Variants in STX5 observed in about 807,000 individuals in gnomAD.
The protein encoded by STX5 is syntaxin 5.
A neutral mutation model predicts 42.9 loss-of-function variants in STX5; 15 were observed. The ratio of observed to expected loss-of-function variants is 0.35; its 90% CI spans 0.23 to 0.54. The LOEUF is 0.54. STX5 is among the 20% of genes least tolerant of loss of function. The pLI is 0.91. For missense variants in STX5, 430 were observed against 455.0 expected (o/e 0.95, Z 0.50); for synonymous variants, 184 against 173.2 (o/e 1.06, Z -0.49).
In STX5 at chr11:62,831,199, A is replaced by C; in HGVS notation, c.45T>G (p.Gly15=). The C allele has an allele frequency of 6.4e-7, 1 of 1,566,240 alleles. No homozygotes were observed. Among genetic ancestry groups the C allele is most frequent in the Non-Finnish European group, 8.7e-7 (1 of 1,154,458 alleles). The part of the protein sequence containing the change: ...KRYGSKNTDQ[G]VYLGLSKTQV... ...GTGTCTTTGAGAGACCCAGGTAGAC[A>C]CCCTGATCCGTGTTCTTAGACCCGT... Residue 15 remains glycine (G), a synonymous_variant, in exon 2 of 11, where the codon GGT becomes GGG. Coordinates refer to ENST00000294179, the MANE Select transcript of STX5 (RefSeq NM_003164.5).
At chr11:62,808,433 G>GA (rs57347651) in intron 10 of STX5, among the ~76,000 whole-genome samples, 1,541 of 121,324 alleles carry the variant, frequency 0.013, 4 homozygotes, top group African/African-American at 0.015. Context: ...GCCTCAGGGG[G>GA]AAAAAAAAAA....
Position 62,825,572 on chromosome 11 carries a change from T to C in STX5, c.424-33A>G, listed in dbSNP as rs752158872. On this transcript the variant is annotated intron_variant, in intron 5 of 10. Transcript: ENST00000294179. ...AAGAGTCCAAGGAAAAACAAAGTAT[T>C]AGCCAAGGAGTCCTTAGTCAGCATC... The C allele has an allele frequency of 5.6e-6, 9 of 1,593,098 alleles. No individual in the cohort carries two copies. In the East Asian group the frequency reaches 1.1e-4, roughly 20 times the overall value.
Position 62,825,410 on chromosome 11 carries a change from C to G in STX5, c.540+13G>C. The G allele has an allele frequency of 6.2e-7, 1 of 1,614,162 alleles. No individual in the cohort carries two copies. Among genetic ancestry groups the G allele is most frequent in the Non-Finnish European group, 8.5e-7 (1 of 1,180,004 alleles). On this transcript the variant is annotated intron_variant, in intron 6 of 10. Coordinates refer to ENST00000294179, the MANE Select transcript of STX5 (RefSeq NM_003164.5). ...TTCCTCTTTGCCTCCCTCCCTTCCTCCCCAGGTCCCACCTGCAAGGAGACC... is the reference window on the plus strand; with the variant it reads ...TTCCTCTTTGCCTCCCTCCCTTCCTGCCCAGGTCCCACCTGCAAGGAGACC...
At chr11:62,823,267 C>T (rs957968358) in intron 10 of STX5, among the ~76,000 whole-genome samples, 2 of 152,000 alleles carry the variant, frequency 1.3e-5, no homozygotes, top group African/African-American at 4.8e-5. Flanking sequence ...CTCAACCTCC[C>T]ATGCTTAAGT....
chr11:62,818,812 C>T (rs1406553689), intron 10 of STX5, among the ~76,000 whole-genome samples: 1 of 151,254 alleles, frequency 6.6e-6, no homozygotes, highest in African/African-American at 2.4e-5. Context: ...CCACTGCACT[C>T]CAGCATGGGC....
Position 62,807,388 on chromosome 11 carries a change from A to G in STX5, c.*81T>C. On this transcript the variant is annotated 3_prime_UTR_variant, in exon 11 of 11. Transcript: ENST00000294179. Reference sequence around the variant, plus strand: ...AGGGCCTTTCTCCCAAGTACCCTGCACAGGCTCAGTGGCAGCACTGGCCAC... The same window carrying G: ...AGGGCCTTTCTCCCAAGTACCCTGCGCAGGCTCAGTGGCAGCACTGGCCAC... The G allele has an allele frequency of 1.3e-6, 2 of 1,552,372 alleles. No individual in the cohort carries two copies. Among genetic ancestry groups the G allele is most frequent in the Non-Finnish European group, 1.7e-6 (2 of 1,147,548 alleles).
chr11:62,824,291 C>G lies in STX5; in HGVS notation c.787-4G>C. On this transcript the variant is annotated splice_region_variant and splice_polypyrimidine_tract_variant and intron_variant, in intron 9 of 10. Coordinates refer to ENST00000294179, the MANE Select transcript of STX5 (RefSeq NM_003164.5). ...CCCGACTCTGGATGTAGGAATCCTTCAGGAGAGGGAGAGAGCACATGAGCA... is the reference window on the plus strand; with the variant it reads ...CCCGACTCTGGATGTAGGAATCCTTGAGGAGAGGGAGAGAGCACATGAGCA... 6.2e-7 allele frequency: 1 copy of G among 1,614,200 alleles called. No individual in the cohort carries two copies. The highest frequency in any genetic ancestry group is 1.1e-5 in the South Asian group (1 of 91,086).
chr11:62,830,408 T>C (rs1217350996), intron 2 of STX5: 1 of 388,042 alleles, frequency 2.6e-6, no homozygotes, highest in Non-Finnish European at 5.1e-6. Context: ...TAAAATTAGC[T>C]GAGTGGTGCA....
rs140710642 is a variant in STX5, at chr11:62,820,318, G to A, written c.908+3848C>T. 2.3e-3 allele frequency among the ~76,000 whole-genome samples: 348 copies of A among 149,740 alleles called. 1 individual carries two copies. Among genetic ancestry groups the A allele is most frequent in the African/African-American group, 8.3e-3 (339 of 40,830 alleles). ...TGTGAGGTGGAGCTTGCAGTGAGCC[G>A]AGATCACGCGACTGCACTCCAGCCT... On this transcript the variant is annotated intron_variant, in intron 10 of 10. Coordinates refer to ENST00000294179, the MANE Select transcript of STX5 (RefSeq NM_003164.5).
At chr11:62,821,708 C>T (rs2084742314) in intron 10 of STX5, among the ~76,000 whole-genome samples, 2 of 151,116 alleles carry the variant, frequency 1.3e-5, no homozygotes, top group Admixed American at 1.3e-4. Flanking sequence ...AGTGAAACTC[C>T]ACCTCAAAAG....
At position 62,827,570 on chromosome 11, in the gene STX5, A is replaced by G. The variant is rs1426663307; in HGVS notation, c.287T>C (p.Leu96Pro). Reference sequence around the variant, plus strand: ...GCTTCTCTCAACTCACTTGGCCATGAGGGTGAATTCACTGCGTTGTCGGAC... The same window carrying G: ...GCTTCTCTCAACTCACTTGGCCATGGGGGTGAATTCACTGCGTTGTCGGAC... ...RAVRQRSEFT[L>P]MAKRIGKDLS... Residue 96 changes from leucine (L) to proline (P), a missense_variant, in exon 3 of 11, where the codon CTC (leucine) becomes CCC (proline). Physicochemically the swap from Leu to Pro is moderately conservative, Grantham distance 98. Transcript: ENST00000294179. 6.2e-6 allele frequency: 10 copies of G among 1,614,226 alleles called. No individual in the cohort carries two copies. The highest frequency in any genetic ancestry group is 1.3e-5 in the African/African-American group (1 of 75,046).
At chr11:62,812,381 A>C (rs552068944) in intron 10 of STX5, among the ~76,000 whole-genome samples, 1 of 151,514 alleles carries the variant, frequency 6.6e-6, no homozygotes, top group Non-Finnish European at 1.5e-5. Context: ...CTGGCCCTCC[A>C]TATCTTTTAT....
rs767133114 is a variant in STX5 at position 62,831,125 on chromosome 11, G to T, written c.119C>A (p.Pro40His). 1.3e-6 allele frequency: 2 copies of T among 1,555,554 alleles called. No individual in the cohort carries two copies. Among genetic ancestry groups the T allele is most frequent in the East Asian group, 2.4e-5 (1 of 42,092 alleles). The stretch of plus-strand genomic sequence containing the variant: ...GACGAGGGTCACTGGGGGGGGCAGA[G>T]GGGCGATGTCGCTGCTGCTACTGCC... Reference protein sequence around the residue: ...TAGSSSSDIAPLPPPVTLVPP... With the variant: ...TAGSSSSDIAHLPPPVTLVPP... Residue 40 changes from proline (P) to histidine (H), a missense_variant, in exon 2 of 11, where the codon CCT becomes CAT. Pro to His is a moderately conservative substitution (Grantham distance 77). Coordinates refer to ENST00000294179, the MANE Select transcript of STX5 (RefSeq NM_003164.5).
intron 1 of STX5, 64 bp from the exon 2 acceptor site, chr11:62,831,326 C>A: frequency 8.3e-7 from 1 of 1,198,394 alleles, no homozygotes; most frequent in Non-Finnish European, 1.2e-6. Flanking sequence ...CCCGCCCCAC[C>A]CCAATCAACA....
In STX5 at chr11:62,825,489, T is replaced by C. The variant is rs2228627; in HGVS notation, c.474A>G (p.Arg158=). The C allele has an allele frequency of 0.061, 99,023 of 1,613,904 alleles. 3,940 individuals carry two copies. Among genetic ancestry groups the C allele is most frequent in the East Asian group, 0.15 (6,902 of 44,872 alleles). The change falls in exon 6 of 11, where the codon AGA becomes AGG. Residue 158 remains arginine (R), a synonymous_variant. Transcript: ENST00000294179. ...GCCGGCCACTCTGGCTGCCCTTGGC[T>C]CTCACGAAATCCTGGAGCTGAGCAA... ...KQIAQLQDFV[R]AKGSQSGRHL...
chr11:62,822,212 AAGT>A (rs72376862), intron 10 of STX5, among the ~76,000 whole-genome samples: 12,826 of 151,316 alleles, frequency 0.085, 665 homozygotes, highest in East Asian at 0.15. Context: ...AAAATACAAA[AAGT>A]AGCCGGGCAT....
intron 10 of STX5, among the ~76,000 whole-genome samples, chr11:62,819,228 A>G (rs1271402062): frequency 1.2e-4 from 5 of 40,668 alleles, no homozygotes; most frequent in Admixed American, 1.9e-4. Context: ...CTGAAAAAAA[A>G]AAAAAAAAAA....
chr11:62,815,236 G>C (rs1490906089), intron 10 of STX5, among the ~76,000 whole-genome samples: 1 of 151,922 alleles, frequency 6.6e-6, no homozygotes, highest in African/African-American at 2.4e-5. Flanking sequence ...TTGATCTCTT[G>C]AGCTTGTGAT....
chr11:62,829,694 GTCA>G (rs1399119014), intron 2 of STX5, among the ~76,000 whole-genome samples: 1 of 152,036 alleles, frequency 6.6e-6, no homozygotes, highest in East Asian at 1.9e-4. Context: ...AGCCCAGGAG[GTCA>G]GATGTTGCAG....
Sources: allele counts gnomAD v4.1 joint callset (sites outside exome capture counted in the v4.1 genomes callset), GRCh38; gene constraint gnomAD v4.1.1; transcripts MANE v1.5; gene names NCBI Gene and HGNC (gene_info 2026-07-23, HGNC 2026-07-21).